Variants in CWC22 observed in about 807,000 individuals in gnomAD.
CWC22 encodes pre-mRNA-splicing factor CWC22 homolog.
A neutral mutation model predicts 117.2 loss-of-function variants in CWC22; 53 were observed. The observed-to-expected ratio is 0.45, with a 90% confidence interval of 0.36 to 0.57. CWC22 has a LOEUF of 0.57. Among genes scored for constraint, CWC22 ranks in the 20% least tolerant of loss-of-function variants. CWC22 has a pLI of 0.00. For synonymous variants in CWC22, 360 were observed against 355.6 expected (o/e 1.01, Z -0.14); for missense variants, 980 against 1,068.8 (o/e 0.92, Z 1.16).
intron 19 of CWC22, among the ~76,000 whole-genome samples, chr2:179,946,760 T>C (rs1686315644): frequency 6.6e-6 from 1 of 152,164 alleles, no homozygotes; most frequent in African/African-American, 2.4e-5. Context: ...ACAACTGGGT[T>C]TGCTTAACAG....
At chr2:180,000,190 A>T (rs1159916906) in intron 1 of CWC22, among the ~76,000 whole-genome samples, 1 of 152,224 alleles carries the variant, frequency 6.6e-6, no homozygotes, top group East Asian at 1.9e-4. Context: ...TCATAAGGCC[A>T]AAAAATTATA....
At chr2:179,948,392 AG>A (rs1170446690) in intron 19 of CWC22, among the ~76,000 whole-genome samples, 1 of 54,460 alleles carries the variant, frequency 1.8e-5, no homozygotes. Context: ...AATCACCATT[AG>A]GTGATTTTTT....
In CWC22 at chr2:179,970,574, T is replaced by A. The variant is rs1201712070; in HGVS notation, c.1148-11A>T. The A allele has an allele frequency of 6.4e-7, 1 of 1,550,978 alleles. No individual in the cohort carries two copies. Among genetic ancestry groups the A allele is most frequent in the Admixed American group, 2.0e-5 (1 of 50,926 alleles). On this transcript the variant is annotated splice_polypyrimidine_tract_variant and intron_variant, in intron 10 of 19. Transcript: ENST00000410053. ...CCATCTTGAAAACATCTAAAAAAAA[T>A]GTAAAAGTTAATGTTTATTTTCTAT...
At chr2:179,962,464 T>A (rs1686777576) in intron 13 of CWC22, among the ~76,000 whole-genome samples, 1 of 152,130 alleles carries the variant, frequency 6.6e-6, no homozygotes, top group South Asian at 2.1e-4. Flanking sequence ...TCTGCCTATT[T>A]TTACAGTTAA....
rs149224297 is a variant in CWC22 at position 180,007,065 on chromosome 2, A to T, written c.-312T>A. ...TGCGGGGACTCCACGGAGTTCGATA[A>T]TTACCTAGAGCTCCACCGCGCCGCC... On this transcript the variant is annotated 5_prime_UTR_variant, in exon 1 of 20. Coordinates refer to ENST00000410053, the MANE Select transcript of CWC22 (RefSeq NM_020943.3). 3.3e-5 allele frequency: 5 copies of T among 152,220 alleles called. No homozygotes were observed. The highest frequency in any genetic ancestry group is 7.2e-5 in the African/African-American group (3 of 41,510). The allele number at this position is 152,220 out of a possible 1,614,324, so 9.4% of individuals were successfully genotyped here. A position where few individuals can be genotyped will look rare whatever the true frequency, so the allele number is the denominator to read the frequency against.
intron 2 of CWC22, among the ~76,000 whole-genome samples, chr2:179,992,892 C>T (rs1056266192): frequency 2.0e-5 from 3 of 152,214 alleles, no homozygotes; most frequent in African/African-American, 7.2e-5. Flanking sequence ...AAGAGGCTCA[C>T]GTTGTAAACA....
At chr2:179,966,256 G>A (rs774365466) in intron 11 of CWC22, among the ~76,000 whole-genome samples, 2 of 152,136 alleles carry the variant, frequency 1.3e-5, no homozygotes, top group Non-Finnish European at 2.9e-5. Context: ...AGTAGACGAT[G>A]GTTTTTGAAA....
intron 5 of CWC22, among the ~76,000 whole-genome samples, chr2:179,978,553 A>T (rs1307526258): frequency 6.6e-6 from 1 of 152,128 alleles, no homozygotes; most frequent in Non-Finnish European, 1.5e-5. Context: ...ATACAATAAG[A>T]TTATGTAAGG....
At chr2:179,961,985 C>T (rs542344100) in intron 13 of CWC22, among the ~76,000 whole-genome samples, 56 of 152,092 alleles carry the variant, frequency 3.7e-4, no homozygotes, top group African/African-American at 1.1e-3. Context: ...GTTGTGTTTA[C>T]AAATGGTTTT....
At position 179,989,272 on chromosome 2, in the gene CWC22, T is replaced by A. The variant is rs1051149667; in HGVS notation, c.28-628A>T. On this transcript the variant is annotated intron_variant, in intron 2 of 19. Transcript: ENST00000410053. ...AATAATTATTATTATTATTATTATT[T>A]TTTGAGACAGGGTCTTGCTCTGTTG... Among the ~76,000 whole-genome samples the A allele has an allele frequency of 2.2e-4, 33 of 151,444 alleles. 1 individual carries two copies. The highest frequency in any genetic ancestry group is 2.9e-4 in the Non-Finnish European group (20 of 67,836).
At chr2:179,947,874 G>A (rs1349516006) in intron 19 of CWC22, among the ~76,000 whole-genome samples, 1 of 152,130 alleles carries the variant, frequency 6.6e-6, no homozygotes, top group African/African-American at 2.4e-5. Flanking sequence ...ATGAAATATT[G>A]CATCCAAACA....
At chr2:179,991,600 A>C (rs1687569423) in intron 2 of CWC22, among the ~76,000 whole-genome samples, 1 of 152,098 alleles carries the variant, frequency 6.6e-6, no homozygotes, top group Non-Finnish European at 1.5e-5. Context: ...GACTAAGAGG[A>C]ACCAAAAGAG....
At chr2:179,999,600 T>C (rs1687795612) in intron 1 of CWC22, among the ~76,000 whole-genome samples, 1 of 152,156 alleles carries the variant, frequency 6.6e-6, no homozygotes, top group Non-Finnish European at 1.5e-5. Flanking sequence ...AATGCACTGC[T>C]TTCCAGATGA....
rs750310575 is a variant in CWC22, at chr2:179,959,080, A to G, written c.1400T>C (p.Leu467Ser). The G allele has an allele frequency of 1.3e-6, 2 of 1,562,946 alleles. No homozygotes were observed. The highest frequency in any genetic ancestry group is 2.3e-5 in the South Asian group (2 of 85,346). ...TTTGTGAGCACATTCTTCAAAATCTAAACTGTGGAAATGATCACAATAGGT... is the reference window on the plus strand; with the variant it reads ...TTTGTGAGCACATTCTTCAAAATCTGAACTGTGGAAATGATCACAATAGGT... Reference protein sequence around the residue: ...RTIYLAIQSSLDFEECAHKLL... With the variant: ...RTIYLAIQSSSDFEECAHKLL... The change falls in exon 14 of 20, where the codon TTA (leucine) becomes TCA (serine). Residue 467 changes from leucine to serine, a missense_variant and splice_region_variant. Leu to Ser is a moderately radical substitution (Grantham distance 145). This residue lies in a region of CWC22 where 559 missense variants were observed against 602.3 expected (regional missense o/e 0.93). Coordinates refer to ENST00000410053, the MANE Select transcript of CWC22 (RefSeq NM_020943.3).
intron 1 of CWC22, among the ~76,000 whole-genome samples, chr2:180,003,995 G>C (rs1687910121): frequency 6.6e-6 from 1 of 152,194 alleles, no homozygotes; most frequent in South Asian, 2.1e-4. Flanking sequence ...AAAAGTTTAA[G>C]TCTGGGAGTT....
intron 13 of CWC22, among the ~76,000 whole-genome samples, chr2:179,961,766 G>A (rs1484915061): frequency 6.6e-6 from 1 of 151,838 alleles, no homozygotes; most frequent in Non-Finnish European, 1.5e-5. Flanking sequence ...AGTATTTAAT[G>A]ACCCCCCCTA....
At chr2:179,971,112 T>C (rs1687022161) in intron 8 of CWC22, 36 bp from the exon 9 acceptor site, 2 of 1,322,562 alleles carry the variant, frequency 1.5e-6, no homozygotes, top group East Asian at 2.6e-5. Context: ...AGAAACAAAA[T>C]GCTTTTACAT....
rs1001068433 is a variant in CWC22 at position 179,945,226 on chromosome 2, C to T, written c.2630G>A (p.Arg877Lys). Residue 877 changes from arginine (R) to lysine (K), a missense_variant, in exon 20 of 20, where the codon AGA becomes AAA. By Grantham distance (26) the Arg-to-Lys change is conservative. Transcript: ENST00000410053. ...GTATCTGCTAGATTTTTCCCATCGT[C>T]TCTCGGCACCATTTTGATATCTATC... The part of the protein sequence containing the change: ...DEDRYQNGAE[R>K]RWEKSSRYSE... 3 of 1,613,820 alleles carry T rather than the reference C, an allele frequency of 1.9e-6. No homozygotes were observed. Among genetic ancestry groups the T allele is most frequent in the Non-Finnish European group, 1.7e-6 (2 of 1,179,840 alleles).
chr2:179,952,247 A>G (rs771834556), intron 17 of CWC22, among the ~76,000 whole-genome samples: 1 of 152,110 alleles, frequency 6.6e-6, no homozygotes, highest in African/African-American at 2.4e-5. Context: ...TTTCTAAGAA[A>G]ATCTAAAAAG....
Sources: gnomAD v4.1 joint callset for allele counts (sites outside exome capture counted in the v4.1 genomes callset) on GRCh38, gnomAD v4.1.1 for gene constraint, gnomAD v4.1.1 regional missense constraint, MANE v1.5 for transcripts, NCBI Gene and HGNC (gene_info 2026-07-23, HGNC 2026-07-21) for gene names.